The following KIAA1549L variants were observed in gnomAD, a reference collection of about 807,000 sequenced individuals.
The protein encoded by KIAA1549L is KIAA1549 like.
KIAA1549L carries 88 observed loss-of-function variants against 160.7 expected under a neutral mutation model. The ratio of observed to expected loss-of-function variants is 0.55; its 90% CI spans 0.46 to 0.65. The LOEUF (loss-of-function observed/expected upper bound fraction) is 0.65. Ranked by LOEUF, KIAA1549L falls within the 30% of genes least tolerant of loss-of-function variation. The pLI, the probability that KIAA1549L is intolerant of heterozygous loss-of-function variation, is 0.00. For missense variants in KIAA1549L, 2,258 were observed against 2,437.5 expected (o/e 0.93, Z 1.55); for synonymous variants, 950 against 976.7 (o/e 0.97, Z 0.51).
intron 1 of KIAA1549L, chr11:33,403,276 GACACAGACACACACACAC>G (rs1850549484): frequency 7.3e-3 from 52 of 7,076 alleles, no homozygotes; most frequent in Middle Eastern, 0.042. Context: ...GACACACACA[GACACAGACACACACACAC>G]ACACACGCAT....
Position 33,451,378 on chromosome 11 carries a change from A to G in KIAA1549L, c.238+74489A>G, listed in dbSNP as rs190726807. Among the ~76,000 whole-genome samples, 21 of 152,318 alleles carry G rather than the reference A, an allele frequency of 1.4e-4. No homozygotes were observed. In the East Asian group the frequency reaches 4.0e-3, roughly 29 times the overall value. Reference sequence around the variant, plus strand: ...AGTGTTATGGGCCCGAATCTCAACAATTTTACAAGGGGACAACATAGACAA... The same window carrying G: ...AGTGTTATGGGCCCGAATCTCAACAGTTTTACAAGGGGACAACATAGACAA... On this transcript the variant is annotated intron_variant, in intron 1 of 20. Coordinates refer to ENST00000658780, the MANE Select transcript of KIAA1549L (RefSeq NM_012194.3).
intron 14 of KIAA1549L, among the ~76,000 whole-genome samples, chr11:33,608,294 TTGATGATGATGATAA>T (rs2133326068): frequency 6.6e-6 from 1 of 152,324 alleles, no homozygotes; most frequent in South Asian, 2.1e-4. Context: ...AATAAGCACT[TTGATGATGATGATAA>T]TGATGATGAT....
At chr11:33,525,768 C>T (rs927758825) in intron 1 of KIAA1549L, among the ~76,000 whole-genome samples, 4 of 151,938 alleles carry the variant, frequency 2.6e-5, no homozygotes, top group Non-Finnish European at 5.9e-5. Flanking sequence ...ATACTTGGTG[C>T]TGTTGGTGAG....
chr11:33,396,739 G>A (rs1455605067), intron 1 of KIAA1549L, among the ~76,000 whole-genome samples: 2 of 151,976 alleles, frequency 1.3e-5, no homozygotes, highest in Non-Finnish European at 1.5e-5. Flanking sequence ...ATCACCTGAG[G>A]TCAGGAGTTT....
chr11:33,383,032 A>C (rs1289069093), intron 1 of KIAA1549L, among the ~76,000 whole-genome samples: 3 of 152,130 alleles, frequency 2.0e-5, no homozygotes, highest in Non-Finnish European at 4.4e-5. Context: ...TGTACTTTTA[A>C]CACTGGCATA....
intron 1 of KIAA1549L, among the ~76,000 whole-genome samples, chr11:33,382,346 G>C (rs1336379329): frequency 1.3e-5 from 2 of 152,160 alleles, no homozygotes; most frequent in East Asian, 3.9e-4. Context: ...GAGTTAGATA[G>C]GCACTAGCAA....
chr11:33,464,455 C>T (rs1852002721), intron 1 of KIAA1549L, among the ~76,000 whole-genome samples: 1 of 149,174 alleles, frequency 6.7e-6, no homozygotes, highest in Non-Finnish European at 1.5e-5. Context: ...GGCCCAAATG[C>T]CTGCAGAGCT....
At chr11:33,394,021 G>T (rs1850320772) in intron 1 of KIAA1549L, among the ~76,000 whole-genome samples, 1 of 152,136 alleles carries the variant, frequency 6.6e-6, no homozygotes, top group South Asian at 2.1e-4. Context: ...GCGGTGGGAT[G>T]GAGTACAGGC....
At chr11:33,503,858 T>G (rs566955440) in intron 1 of KIAA1549L, among the ~76,000 whole-genome samples, 116 of 152,378 alleles carry the variant, frequency 7.6e-4, no homozygotes, top group African/African-American at 2.8e-3. Flanking sequence ...CTTGGCTTGC[T>G]CTTCCAAAAT....
chr11:33,620,671 C>A (rs913336112), intron 16 of KIAA1549L, among the ~76,000 whole-genome samples: 1 of 152,152 alleles, frequency 6.6e-6, no homozygotes, highest in African/African-American at 2.4e-5. Flanking sequence ...CAGAGCCCCT[C>A]CCCTTAACCA....
chr11:33,656,767 G>A (rs926621059), intron 18 of KIAA1549L, among the ~76,000 whole-genome samples: 3 of 152,116 alleles, frequency 2.0e-5, no homozygotes, highest in African/African-American at 7.2e-5. Context: ...TGTGAACCAT[G>A]GGTCTGGGCT....
intron 13 of KIAA1549L, 55 bp downstream of exon 13, chr11:33,599,002 C>G (rs941964859): frequency 2.0e-5 from 32 of 1,596,480 alleles, no homozygotes; most frequent in Non-Finnish European, 2.5e-5. Context: ...CGTGCCCGCA[C>G]ACACATGCGT....
At chr11:33,529,447 C>G (rs550148662) in intron 1 of KIAA1549L, among the ~76,000 whole-genome samples, 5 of 152,306 alleles carry the variant, frequency 3.3e-5, no homozygotes, top group African/African-American at 1.2e-4. Context: ...TTATTGACTG[C>G]TGACATATAC....
intron 1 of KIAA1549L, among the ~76,000 whole-genome samples, chr11:33,466,055 A>G (rs1277063103): frequency 6.6e-6 from 1 of 152,208 alleles, no homozygotes; most frequent in East Asian, 1.9e-4. Flanking sequence ...TCATCTCCAT[A>G]CATTGTAGAC....
chr11:33,465,692 T>TAA (rs931342021), intron 1 of KIAA1549L, among the ~76,000 whole-genome samples: 84 of 152,094 alleles, frequency 5.5e-4, no homozygotes, highest in African/African-American at 2.0e-3. Context: ...TAACACCACA[T>TAA]ATCTACAACC....
At chr11:33,506,505 T>C in intron 1 of KIAA1549L, among the ~76,000 whole-genome samples, 1 of 151,980 alleles carries the variant, frequency 6.6e-6, no homozygotes. Flanking sequence ...GCAGGAGGAT[T>C]TCTTGAGTCC....
intron 11 of KIAA1549L, among the ~76,000 whole-genome samples, chr11:33,584,470 A>G (rs920020838): frequency 6.6e-6 from 1 of 152,202 alleles, no homozygotes; most frequent in Non-Finnish European, 1.5e-5. Flanking sequence ...ACTCACCTCC[A>G]GTGACTGGGA....
At chr11:33,471,752 G>C (rs901899792) in intron 1 of KIAA1549L, among the ~76,000 whole-genome samples, 7 of 152,232 alleles carry the variant, frequency 4.6e-5, no homozygotes, top group Non-Finnish European at 1.0e-4. Context: ...AAATCTGTTA[G>C]CCCTATCAGG....
intron 4 of KIAA1549L, among the ~76,000 whole-genome samples, 153 bp downstream of exon 4, chr11:33,548,032 T>A (rs1487306729): frequency 1.3e-5 from 2 of 152,204 alleles, no homozygotes; most frequent in African/African-American, 2.4e-5. Context: ...TAATGTGTAG[T>A]GGCTTGAGAA....
Sources: allele counts gnomAD v4.1 joint callset (sites outside exome capture counted in the v4.1 genomes callset), GRCh38; gene constraint gnomAD v4.1.1; transcripts MANE v1.5; gene names NCBI Gene and HGNC (gene_info 2026-07-23, HGNC 2026-07-21).